The following BCL9 variants were observed in gnomAD, a reference collection of about 807,000 sequenced individuals.
The protein encoded by BCL9 is B-cell CLL/lymphoma 9 protein.
In BCL9, 25 loss-of-function variants were observed where a neutral mutation model predicts 88.5. That is an observed-to-expected ratio of 0.28 (90% CI 0.21 to 0.39). The LOEUF (loss-of-function observed/expected upper bound fraction) is 0.39. BCL9 is among the 10% of genes least tolerant of loss of function. The pLI is 1.00. For synonymous variants in BCL9, 711 were observed against 673.3 expected (o/e 1.06, Z -0.87); for missense variants, 1,817 against 1,877.8 (o/e 0.97, Z 0.60).
At chr1:147,613,283 C>A in intron 5 of BCL9, 84 bp downstream of exon 5, 1 of 1,408,222 alleles carries the variant, frequency 7.1e-7, no homozygotes, top group Non-Finnish European at 9.9e-7. Context: ...GGCCAGAGAG[C>A]CTAATATCAG....
rs1658917035 is a variant in BCL9, at chr1:147,625,822, C to T, written c.*863C>T. 4.3e-6 allele frequency: 1 copy of T among 232,912 alleles called. No homozygotes were observed. Among genetic ancestry groups the T allele is most frequent in the African/African-American group, 2.2e-5 (1 of 45,368 alleles). 14.4% of individuals were successfully genotyped at this position (232,912 alleles called of 1,614,324 possible). A position where few individuals can be genotyped will look rare whatever the true frequency, so the allele number is the denominator to read the frequency against. ...CTCTTTCCCTTTGGCAGCTGCAATA[C>T]ACAGTGTTATTTTGGGGAAATAAAT... is the stretch of plus-strand genomic sequence containing the variant. On this transcript the variant is annotated 3_prime_UTR_variant, in exon 10 of 10. Transcript: ENST00000234739.
chr1:147,619,853 A>G lies in BCL9; in HGVS notation c.1698A>G (p.Ala566=), dbSNP rs782688038. The stretch of plus-strand genomic sequence containing the variant: ...GCCAGATGCGCCTCCCTGGATTTGC[A>G]GGCATGATAAACTCTGAAATGGAAG... ...PGSQMRLPGF[A]GMINSEMEGP... is the part of the protein sequence containing the mutation. The change falls in exon 8 of 10, where the codon GCA becomes GCG. Residue 566 remains alanine, a synonymous_variant. Coordinates refer to ENST00000234739, the MANE Select transcript of BCL9 (RefSeq NM_004326.4). This position sits in a 1 kb window ranked among gnomAD's most constrained non-coding sequence, Gnocchi z 4.1. The G allele has an allele frequency of 6.2e-6, 10 of 1,614,048 alleles. No homozygotes were observed. In the South Asian group the frequency reaches 1.1e-4, roughly 18 times the overall value.
chr1:147,604,850 A>G lies in BCL9; in HGVS notation c.-404A>G, dbSNP rs1657577089. 6.6e-6 allele frequency: 1 copy of G among 152,166 alleles called. No individual in the cohort carries two copies. The highest frequency in any genetic ancestry group is 1.5e-5 in the Non-Finnish European group (1 of 68,028). The allele number at this position is 152,166 out of a possible 1,614,324, so 9.4% of individuals were successfully genotyped here. A position where few individuals can be genotyped will look rare whatever the true frequency, so the allele number is the denominator to read the frequency against. On this transcript the variant is annotated 5_prime_UTR_variant, in exon 2 of 10. Transcript: ENST00000234739. The stretch of plus-strand genomic sequence containing the variant: ...CCCATCTGATTGGGTGGCAGAGATC[A>G]TTTTTGGAAAGTTCTTCCGTGTCCC...
At chr1:147,572,768 C>A (rs938338490) in intron 1 of BCL9, among the ~76,000 whole-genome samples, 1 of 152,140 alleles carries the variant, frequency 6.6e-6, no homozygotes, top group African/African-American at 2.4e-5. Context: ...TTAGTAGAGA[C>A]GGAGTTTCGC....
rs782474700 is a variant in BCL9 at position 147,620,296 on chromosome 1, G to C, written c.2141G>C (p.Ser714Thr). 2.1e-5 allele frequency: 34 copies of C among 1,614,078 alleles called. No individual in the cohort carries two copies. The South Asian group carries it at 3.6e-4, about 17-fold the overall frequency. ...GRELEFGMVP[S>T]GMKGDVNLNV... The stretch of plus-strand genomic sequence containing the variant: ...GAACTTGAGTTTGGGATGGTTCCTA[G>C]TGGGATGAAGGGAGATGTCAATCTA... The change falls in exon 8 of 10, where the codon AGT becomes ACT. Residue 714 changes from serine to threonine, a missense_variant. Physicochemically the swap from Ser to Thr is moderately conservative, Grantham distance 58. Transcript: ENST00000234739.
intron 1 of BCL9, among the ~76,000 whole-genome samples, chr1:147,572,388 G>T (rs1468905611): frequency 6.6e-6 from 1 of 152,228 alleles, no homozygotes; most frequent in Non-Finnish European, 1.5e-5. Context: ...CTCAGAAAAG[G>T]TTCCTAAGAG....
intron 1 of BCL9, among the ~76,000 whole-genome samples, chr1:147,577,352 C>A (rs1003299231): frequency 6.6e-6 from 1 of 152,140 alleles, no homozygotes; most frequent in Non-Finnish European, 1.5e-5. Flanking sequence ...TGCCTACAGT[C>A]CCTGTGGCTT....
intron 1 of BCL9, among the ~76,000 whole-genome samples, chr1:147,604,339 T>C (rs112078043): frequency 1.3e-5 from 2 of 152,216 alleles, no homozygotes; most frequent in African/African-American, 4.8e-5. Flanking sequence ...TTATATTATC[T>C]CATGGCCACT....
At chr1:147,560,369 C>T (rs1300912630) in intron 1 of BCL9, among the ~76,000 whole-genome samples, 1 of 150,806 alleles carries the variant, frequency 6.6e-6, no homozygotes, top group Non-Finnish European at 1.5e-5. Flanking sequence ...GCGGGTGGAT[C>T]ACCTGAGGTC....
Position 147,622,485 on chromosome 1 carries a change from C to T in BCL9, c.3117C>T (p.Ser1039=). 1 of 1,614,148 alleles carries T rather than the reference C, an allele frequency of 6.2e-7. No homozygotes were observed. ...IKTVASSDDD[S]PPARSPNLPS... is the part of the protein sequence containing the mutation. ...CTGTGGCCAGCTCAGATGACGACTC[C>T]CCTCCAGCTCGTTCTCCCAACTTGC... Residue 1039 remains serine (S), a synonymous_variant, in exon 9 of 10, where the codon TCC becomes TCT. Transcript: ENST00000234739.
chr1:147,568,221 A>G (rs1553196940), intron 1 of BCL9, among the ~76,000 whole-genome samples: 1 of 152,184 alleles, frequency 6.6e-6, no homozygotes, highest in East Asian at 1.9e-4. Flanking sequence ...CTTTATGGGG[A>G]AGCATTGTGG....
At position 147,625,057 on chromosome 1, in the gene BCL9, C is replaced by T; in HGVS notation, c.*98C>T. On this transcript the variant is annotated 3_prime_UTR_variant, in exon 10 of 10. Transcript: ENST00000234739. ...CCAGGAGTACTTACTATTGGTCATGCAATAGGAGAACAGAGACCCGAGGGC... is the reference window on the plus strand; with the variant it reads ...CCAGGAGTACTTACTATTGGTCATGTAATAGGAGAACAGAGACCCGAGGGC... 1 of 1,449,580 alleles carries T rather than the reference C, an allele frequency of 6.9e-7. No homozygotes were observed. Among genetic ancestry groups the T allele is most frequent in the Non-Finnish European group, 9.2e-7 (1 of 1,081,774 alleles). 89.8% of individuals were successfully genotyped at this position (1,449,580 alleles called of 1,614,324 possible).
chr1:147,598,321 C>G (rs2101583993), intron 1 of BCL9, among the ~76,000 whole-genome samples: 1 of 152,282 alleles, frequency 6.6e-6, no homozygotes, highest in East Asian at 1.9e-4. Flanking sequence ...CAACTATTGC[C>G]TTTCTTCTTT....
intron 3 of BCL9, 95 bp downstream of exon 3, chr1:147,606,961 T>A (rs1657742215): frequency 6.6e-6 from 1 of 152,414 alleles, no homozygotes; most frequent in Non-Finnish European, 1.5e-5. Flanking sequence ...ACGATTTTTT[T>A]TTCTTTACAT....
chr1:147,624,531 G>A lies in BCL9; in HGVS notation c.3853G>A (p.Gly1285Arg), dbSNP rs2101627774. The A allele has an allele frequency of 2.5e-6, 4 of 1,614,136 alleles. No individual in the cohort carries two copies. The highest frequency in any genetic ancestry group is 3.4e-6 in the Non-Finnish European group (4 of 1,180,028). ...GMMGEQAPRM[G>R]LALPGMGGPG... ...GATGGGCGAACAAGCCCCCAGAATG[G>A]GACTAGCATTACCTGGCATGGGAGG... The change falls in exon 10 of 10, where the codon GGA (glycine) becomes AGA (arginine). Residue 1285 changes from glycine (G) to arginine (R), a missense_variant. Gly to Arg is a moderately radical substitution (Grantham distance 125). Transcript: ENST00000234739. This position sits in a 1 kb window ranked among gnomAD's most constrained non-coding sequence, Gnocchi z 4.4.
In BCL9 at chr1:147,614,602, T is replaced by C. The variant is rs781824534; in HGVS notation, c.546T>C (p.Thr182=). The change falls in exon 6 of 10, where the codon ACT becomes ACC. Residue 182 remains threonine (T), a synonymous_variant. Transcript: ENST00000234739. Reference sequence around the variant, plus strand: ...CCAAAGTGGTGTACGTGTTTTCTACTGAGATGGCCAATAAGTAAGTTGATG... The same window carrying C: ...CCAAAGTGGTGTACGTGTTTTCTACCGAGATGGCCAATAAGTAAGTTGATG... ...TPAKVVYVFS[T]EMANKAAEAV... is the part of the protein sequence containing the mutation. 25 of 1,611,912 alleles carry C rather than the reference T, an allele frequency of 1.6e-5. No homozygotes were observed. In the South Asian group the frequency reaches 2.4e-4, roughly 16 times the overall value.
At chr1:147,602,153 A>G (rs1301169987) in intron 1 of BCL9, among the ~76,000 whole-genome samples, 3 of 150,488 alleles carry the variant, frequency 2.0e-5, no homozygotes, top group Non-Finnish European at 4.4e-5. Context: ...CACCCACCTC[A>G]GCCTCCCAAA....
intron 1 of BCL9, among the ~76,000 whole-genome samples, chr1:147,568,826 A>C (rs184912094): frequency 1.3e-5 from 2 of 152,112 alleles, no homozygotes; most frequent in East Asian, 1.9e-4. Context: ...TTCGGTTCTT[A>C]GTTTTTTCTC....
chr1:147,613,233 A>G (rs782512554), intron 5 of BCL9, 34 bp downstream of exon 5: 43 of 1,611,214 alleles, frequency 2.7e-5, no homozygotes, highest in Non-Finnish European at 3.5e-5. Flanking sequence ...CTCAGAGGGA[A>G]GTAGGTGTTC....
Sources: allele counts gnomAD v4.1 joint callset (sites outside exome capture counted in the v4.1 genomes callset), GRCh38; gene constraint gnomAD v4.1.1; non-coding constraint Gnocchi (gnomAD v3.1); transcripts MANE v1.5; gene names NCBI Gene and HGNC (gene_info 2026-07-23, HGNC 2026-07-21).